KAZN: variants seen among roughly 807,000 people sequenced by gnomAD.
KAZN encodes kazrin, periplakin interacting protein.
Under a neutral mutation model 87.4 loss-of-function variants are expected in KAZN, and 40 were observed. The ratio of observed to expected loss-of-function variants is 0.46; its 90% CI spans 0.36 to 0.60. The LOEUF (loss-of-function observed/expected upper bound fraction) is 0.60. KAZN is among the 20% of genes least tolerant of loss of function. KAZN has a pLI of 0.00. For synonymous variants in KAZN, 466 were observed against 458.3 expected (o/e 1.02, Z -0.22); for missense variants, 898 against 1,073.9 (o/e 0.84, Z 2.29).
chr1:14,744,123 T>C (rs1320881000), intron 1 of KAZN, among the ~76,000 whole-genome samples: 1 of 152,188 alleles, frequency 6.6e-6, no homozygotes, highest in Non-Finnish European at 1.5e-5. Flanking sequence ...CCATCACCAG[T>C]GCCCTGAATG....
intron 1 of KAZN, among the ~76,000 whole-genome samples, chr1:14,619,889 A>G (rs975038250): frequency 3.3e-5 from 5 of 152,258 alleles, no homozygotes; most frequent in African/African-American, 9.6e-5. Context: ...TTACGACCGT[A>G]TAACATTCCA....
In KAZN at chr1:14,388,043, A is replaced by T. The variant is rs191098723; in HGVS notation, c.249+207451A>T. Among the ~76,000 whole-genome samples the T allele has an allele frequency of 4.3e-4, 66 of 152,340 alleles. 1 individual carries two copies. The highest frequency in any genetic ancestry group is 4.0e-4 in the Non-Finnish European group (27 of 68,034). On this transcript the variant is annotated intron_variant, in intron 2 of 16. Transcript: ENST00000636203. ...GTGCCGTTTTTTAAGCCCATCGGAA[A>T]AGCGCAGTATTCGGGTGGGAGTGAC...
intron 2 of KAZN, among the ~76,000 whole-genome samples, chr1:14,493,141 G>A (rs563834376): frequency 8.6e-5 from 13 of 152,042 alleles, no homozygotes; most frequent in East Asian, 1.9e-4. Context: ...CTGATCCTTC[G>A]GCCCTTTGCC....
At position 14,458,486 on chromosome 1, in the gene KAZN, G is replaced by T. The variant is rs187977297; in HGVS notation, c.250-140497G>T. ...ATCTTGGCCAGTGCTATGACAAACA[G>T]CAATGGTAATGGTGGTTATTCTCGT... On this transcript the variant is annotated intron_variant, in intron 2 of 16. Coordinates refer to the KAZN transcript ENST00000636203. Among the ~76,000 whole-genome samples the T allele has an allele frequency of 2.6e-5, 4 of 152,140 alleles. No individual in the cohort carries two copies. In the East Asian group the frequency reaches 7.7e-4, roughly 29 times the overall value.
intron 2 of KAZN, among the ~76,000 whole-genome samples, chr1:14,217,232 C>T (rs542074380): frequency 1.3e-5 from 2 of 152,186 alleles, no homozygotes; most frequent in African/African-American, 4.8e-5. Flanking sequence ...AATTTTTCTT[C>T]ATTATAAATT....
At chr1:14,850,464 C>A (rs891688732) in intron 1 of KAZN, among the ~76,000 whole-genome samples, 1 of 152,122 alleles carries the variant, frequency 6.6e-6, no homozygotes, top group Non-Finnish European at 1.5e-5. Flanking sequence ...CTAACATCAT[C>A]GCCATTTTAC....
chr1:14,190,675 T>C (rs1336008155), intron 2 of KAZN, among the ~76,000 whole-genome samples: 1 of 152,126 alleles, frequency 6.6e-6, no homozygotes, highest in African/African-American at 2.4e-5. Flanking sequence ...CTGTCTACCA[T>C]GAGAACAAGC....
chr1:14,648,889 T>C (rs534131109), intron 1 of KAZN, among the ~76,000 whole-genome samples: 2 of 152,360 alleles, frequency 1.3e-5, no homozygotes, highest in South Asian at 4.1e-4. Context: ...CGTTCTGCCC[T>C]AGGTTAGACA....
intron 1 of KAZN, among the ~76,000 whole-genome samples, chr1:14,067,942 G>A (rs1311870861): frequency 6.6e-6 from 1 of 152,144 alleles, no homozygotes. Context: ...ATTCATTAGT[G>A]TTCCAGGAAA....
chr1:14,296,791 A>G (rs1178363776), intron 2 of KAZN, among the ~76,000 whole-genome samples: 2 of 151,822 alleles, frequency 1.3e-5, no homozygotes, highest in African/African-American at 4.8e-5. Flanking sequence ...ACACGCCATC[A>G]TGCCTAGCTA....
At position 14,205,552 on chromosome 1, in the gene KAZN, A is replaced by G. The variant is rs1224017591; in HGVS notation, c.249+24960A>G. On this transcript the variant is annotated intron_variant, in intron 2 of 16. Coordinates refer to the KAZN transcript ENST00000636203. ...TGGCAGTGAAAACAGGATTTTCTGT[A>G]TAGCCAGCATTGCGAAAACACATCC... Among the ~76,000 whole-genome samples the G allele has an allele frequency of 2.6e-5, 4 of 152,190 alleles. No homozygotes were observed. In the South Asian group the frequency reaches 8.3e-4, roughly 31 times the overall value.
At chr1:14,546,795 C>A (rs1211812911) in intron 2 of KAZN, among the ~76,000 whole-genome samples, 1 of 152,152 alleles carries the variant, frequency 6.6e-6, no homozygotes, top group African/African-American at 2.4e-5. Context: ...TCAGCTGTGG[C>A]AAATCAACTT....
At chr1:14,410,026 G>C (rs189676986) in intron 2 of KAZN, among the ~76,000 whole-genome samples, 13 of 152,292 alleles carry the variant, frequency 8.5e-5, no homozygotes, top group Non-Finnish European at 1.6e-4. Context: ...AAATTACTCA[G>C]AATGTATTGC....
chr1:14,080,294 A>G (rs1330869917), intron 1 of KAZN, among the ~76,000 whole-genome samples: 1 of 152,276 alleles, frequency 6.6e-6, no homozygotes, highest in Admixed American at 6.5e-5. Context: ...AGGATAATAC[A>G]TTAGCAGAGA....
At chr1:14,219,044 A>G (rs1647031835) in intron 2 of KAZN, among the ~76,000 whole-genome samples, 1 of 152,166 alleles carries the variant, frequency 6.6e-6, no homozygotes, top group African/African-American at 2.4e-5. Context: ...CAGAGATGCA[A>G]TCAGCAAAAT....
intron 1 of KAZN, among the ~76,000 whole-genome samples, chr1:14,757,205 G>A (rs1644594926): frequency 6.6e-6 from 1 of 152,148 alleles, no homozygotes; most frequent in Non-Finnish European, 1.5e-5. Context: ...ACAATATATG[G>A]TTTTTTTCAG....
intron 2 of KAZN, among the ~76,000 whole-genome samples, chr1:14,406,293 A>T (rs1180382022): frequency 6.6e-6 from 1 of 152,188 alleles, no homozygotes; most frequent in African/African-American, 2.4e-5. Flanking sequence ...CATTTAGGAT[A>T]CCATCAATCA....
At chr1:14,546,983 G>A (rs1673192162) in intron 2 of KAZN, among the ~76,000 whole-genome samples, 1 of 152,106 alleles carries the variant, frequency 6.6e-6, no homozygotes, top group African/African-American at 2.4e-5. Flanking sequence ...AGAGATGTCG[G>A]GAACTCACAT....
At chr1:14,689,102 C>G (rs536641046) in intron 1 of KAZN, among the ~76,000 whole-genome samples, 1 of 152,010 alleles carries the variant, frequency 6.6e-6, no homozygotes, top group Non-Finnish European at 1.5e-5. Context: ...GGCTCAGGCA[C>G]GAGAATCCCT....
Sources: allele counts gnomAD v4.1 joint callset (sites outside exome capture counted in the v4.1 genomes callset), GRCh38; gene constraint gnomAD v4.1.1; transcripts MANE v1.5; gene names NCBI Gene and HGNC (gene_info 2026-07-23, HGNC 2026-07-21).